The following PRMT8 variants were observed in gnomAD, a reference collection of about 807,000 sequenced individuals.
PRMT8 encodes the protein protein arginine methyltransferase 8, also known as protein arginine N-methyltransferase 8.
Under a neutral mutation model 47.1 loss-of-function variants are expected in PRMT8, and 7 were observed. The observed-to-expected ratio is 0.15, with a 90% CI of 0.08 to 0.28. The LOEUF (loss-of-function observed/expected upper bound fraction) is 0.28, where lower values mean the gene tolerates loss of function less well. PRMT8 is among the 10% of genes least tolerant of loss of function. The pLI, the probability that PRMT8 is intolerant of heterozygous loss-of-function variation, is 1.00. For synonymous variants in PRMT8, 188 were observed against 186.5 expected, an observed-to-expected ratio of 1.01 and a Z score of -0.07; for missense variants, 237 against 505.4, an observed-to-expected ratio of 0.47 and a Z score of 5.09.
rs1472399611 is a variant in PRMT8, at chr12:3,538,578, C to T, written c.76-2028C>T. ...AGAGTGGAGTGACAGCTAAGGGGTG[C>T]TGGAGGCCCCTGTGACCTTGACCAT... On this transcript the variant is annotated intron_variant, in intron 1 of 9. Coordinates refer to ENST00000382622, the MANE Select transcript of PRMT8 (RefSeq NM_019854.5). The surrounding 1 kb of genome is among the most constrained non-coding windows in gnomAD (Gnocchi z 4.6). 1.9e-6 allele frequency: 1 copy of T among 517,636 alleles called. No individual in the cohort carries two copies. The highest frequency in any genetic ancestry group is 1.9e-5 in the African/African-American group (1 of 51,918). The allele number at this position is 517,636 out of a possible 1,614,324, so 32.1% of individuals were successfully genotyped here. A position where few individuals can be genotyped will look rare whatever the true frequency, so the allele number is the denominator to read the frequency against.
At position 3,555,776 on chromosome 12, in the gene PRMT8, G is replaced by C. The variant is rs182052128; in HGVS notation, c.481+2062G>C. ...CTGTGGGACATGCTTGGAGATGGAG[G>C]CACAGGACCTGAGGGTGCATTGAGT... On this transcript the variant is annotated intron_variant, in intron 4 of 9. Transcript: ENST00000382622. Among the ~76,000 whole-genome samples the C allele has an allele frequency of 5.5e-3, 841 of 151,680 alleles. 7 individuals carry two copies. Among genetic ancestry groups the C allele is most frequent in the Non-Finnish European group, 9.3e-3 (627 of 67,640 alleles).
intron 1 of PRMT8, among the ~76,000 whole-genome samples, chr12:3,398,671 C>T (rs927675163): frequency 1.3e-5 from 2 of 152,164 alleles, no homozygotes; most frequent in South Asian, 2.1e-4. Flanking sequence ...ATAAGCTTCC[C>T]GGGCTCACTT....
chr12:3,476,928 A>G (rs1865220390), intron 1 of PRMT8, among the ~76,000 whole-genome samples: 1 of 152,224 alleles, frequency 6.6e-6, no homozygotes, highest in Non-Finnish European at 1.5e-5. Flanking sequence ...GGTCCAGGCC[A>G]TGGAGAAATT....
At chr12:3,435,516 CTTTTTTTTTCTTT>C (rs1174218879) in intron 1 of PRMT8, among the ~76,000 whole-genome samples, 2 of 146,320 alleles carry the variant, frequency 1.4e-5, no homozygotes, top group East Asian at 2.0e-4. Flanking sequence ...TTTTTTTCTT[CTTTTTTTTTCTTT>C]TTTTTTTTTT....
intron 1 of PRMT8, among the ~76,000 whole-genome samples, chr12:3,448,903 A>G (rs1864887300): frequency 6.6e-6 from 1 of 151,944 alleles, no homozygotes; most frequent in Non-Finnish European, 1.5e-5. Context: ...TTGCACCCCC[A>G]TAGGCCCCAG....
At chr12:3,519,125 TTTGCAGACGGACAGAGG>T (rs2137138919) in intron 1 of PRMT8, among the ~76,000 whole-genome samples, 1 of 152,122 alleles carries the variant, frequency 6.6e-6, no homozygotes, top group Non-Finnish European at 1.5e-5. Context: ...ACTGTCCGTC[TTTGCAGACGGACAGAGG>T]GGAGCCAGGG....
chr12:3,409,182 G>A lies in PRMT8; in HGVS notation c.48+27740G>A, dbSNP rs532233761. On this transcript the variant is annotated intron_variant, in intron 1 of 9. Coordinates refer to the PRMT8 transcript ENST00000452611. The surrounding 1 kb of genome is among the most constrained non-coding windows in gnomAD (Gnocchi z 4.4). ...GCAGATGGCCCACAAAGCTGGTGTC[G>A]GTGACTCTGAGGCACACTGCAGCAG... Among the ~76,000 whole-genome samples the A allele has an allele frequency of 9.2e-5, 14 of 152,242 alleles. No homozygotes were observed. Among genetic ancestry groups the A allele is most frequent in the African/African-American group, 2.2e-4 (9 of 41,538 alleles).
intron 1 of PRMT8, among the ~76,000 whole-genome samples, chr12:3,397,881 C>G (rs186529465): frequency 5.3e-5 from 8 of 152,192 alleles, no homozygotes; most frequent in Non-Finnish European, 1.0e-4. Flanking sequence ...GGCGTAGGAC[C>G]CTCCGAGCCA....
At chr12:3,498,244 G>A (rs978968084) in intron 1 of PRMT8, among the ~76,000 whole-genome samples, 4 of 152,250 alleles carry the variant, frequency 2.6e-5, no homozygotes, top group Non-Finnish European at 5.9e-5. Context: ...CAGCTGGTAA[G>A]TGATGAGGCT....
At chr12:3,526,779 ATTGT>A (rs1332560409) in intron 1 of PRMT8, among the ~76,000 whole-genome samples, 1 of 152,134 alleles carries the variant, frequency 6.6e-6, no homozygotes, top group African/African-American at 2.4e-5. Context: ...TGAAATATAC[ATTGT>A]TTGATATTAA....
At chr12:3,543,949 A>T (rs1008197863) in intron 2 of PRMT8, among the ~76,000 whole-genome samples, 3 of 152,148 alleles carry the variant, frequency 2.0e-5, no homozygotes, top group African/African-American at 7.2e-5. Context: ...CTCAGCCACG[A>T]GAAGAATCTT....
intron 1 of PRMT8, among the ~76,000 whole-genome samples, chr12:3,425,283 G>A (rs1328715149): frequency 6.6e-6 from 1 of 152,210 alleles, no homozygotes; most frequent in Non-Finnish European, 1.5e-5. Flanking sequence ...TTTATGTTTA[G>A]GTTTTGCCCA....
intron 1 of PRMT8, among the ~76,000 whole-genome samples, chr12:3,498,766 T>C (rs930972724): frequency 6.6e-6 from 1 of 152,186 alleles, no homozygotes; most frequent in African/African-American, 2.4e-5. Context: ...TTAAAATTTA[T>C]CTTTGTAGTT....
Position 3,569,669 on chromosome 12 carries a change from G to C in PRMT8, c.712+105G>C. The C allele has an allele frequency of 2.2e-6, 2 of 910,778 alleles. No individual in the cohort carries two copies. Among genetic ancestry groups the C allele is most frequent in the Non-Finnish European group, 3.7e-6 (2 of 546,712 alleles). The allele number at this position is 910,778 out of a possible 1,614,324, so 56.4% of individuals were successfully genotyped here. A position where few individuals can be genotyped will look rare whatever the true frequency, so the allele number is the denominator to read the frequency against. The stretch of plus-strand genomic sequence containing the variant: ...AGGCAGTGACATGAACACCATTGCT[G>C]TCCCTGAAGAGGAGCTTATCTGGGA... On this transcript the variant is annotated intron_variant, in intron 6 of 9. Transcript: ENST00000382622. The surrounding 1 kb of genome is among the most constrained non-coding windows in gnomAD (Gnocchi z 8.2).
intron 1 of PRMT8, among the ~76,000 whole-genome samples, chr12:3,414,673 G>C (rs552588618): frequency 6.6e-6 from 1 of 152,278 alleles, no homozygotes; most frequent in African/African-American, 2.4e-5. Context: ...TTGAAGGGCA[G>C]TGTATGCAGA....
intron 1 of PRMT8, among the ~76,000 whole-genome samples, chr12:3,530,933 A>G (rs1397133680): frequency 2.0e-5 from 3 of 152,186 alleles, no homozygotes; most frequent in Non-Finnish European, 4.4e-5. Flanking sequence ...GAGAAGAGGA[A>G]ACCGAGGATA....
At chr12:3,513,610 G>A (rs16930527) in intron 1 of PRMT8, among the ~76,000 whole-genome samples, 5,297 of 152,156 alleles carry the variant, frequency 0.035, 262 homozygotes, top group African/African-American at 0.11. Flanking sequence ...CGTGCGCTCC[G>A]TGAGAGTGCA....
At chr12:3,430,348 TCCA>T in intron 1 of PRMT8, among the ~76,000 whole-genome samples, 1 of 152,246 alleles carries the variant, frequency 6.6e-6, no homozygotes, top group Admixed American at 6.5e-5. Flanking sequence ...GCCTGTGGAT[TCCA>T]TTTCTGCCTT....
At chr12:3,488,661 G>A (rs1398362456), upstream of PRMT8, among the ~76,000 whole-genome samples, 2 of 152,226 alleles carry the variant, frequency 1.3e-5, no homozygotes, top group Non-Finnish European at 1.5e-5. Flanking sequence ...TTTAAGAGAT[G>A]CCTAGTAAAT....
Sources: gnomAD v4.1 joint callset for allele counts (sites outside exome capture counted in the v4.1 genomes callset) on GRCh38, gnomAD v4.1.1 for gene constraint, Gnocchi (gnomAD v3.1) non-coding constraint, MANE v1.5 for transcripts, NCBI Gene and HGNC (gene_info 2026-07-23, HGNC 2026-07-21) for gene names.